NPC1L1: variants seen among roughly 807,000 people sequenced by gnomAD.
NPC1L1 encodes NPC1-like intracellular cholesterol transporter 1.
Under a neutral mutation model 117.0 loss-of-function variants are expected in NPC1L1, and 98 were observed. The ratio of observed to expected loss-of-function variants is 0.84; its 90% CI spans 0.71 to 0.99. NPC1L1 has a LOEUF of 0.99. Among genes scored for constraint, NPC1L1 ranks in the 50% least tolerant of loss-of-function variants. NPC1L1 has a pLI of 0.00. For missense variants in NPC1L1, 1,540 were observed against 1,710.0 expected, an observed-to-expected ratio of 0.90 and a Z score of 1.75; for synonymous variants, 729 against 727.6, an observed-to-expected ratio of 1.00 and a Z score of -0.03.
chr7:44,527,514 G>A (rs1003552377), intron 10 of NPC1L1, among the ~76,000 whole-genome samples: 6 of 139,528 alleles, frequency 4.3e-5, no homozygotes, highest in Non-Finnish European at 9.4e-5. Flanking sequence ...AAAGATGTAT[G>A]AAGAAATAAA....
chr7:44,522,268 C>A (rs746517137), intron 10 of NPC1L1, 26 bp from the exon 11 acceptor site: 2 of 1,602,212 alleles, frequency 1.2e-6, no homozygotes, highest in Admixed American at 3.4e-5. Flanking sequence ...GGTCAGTGAG[C>A]TTTGGTTCGC....
intron 11 of NPC1L1, 88 bp from the exon 12 acceptor site, chr7:44,521,924 C>T: frequency 1.2e-6 from 2 of 1,604,988 alleles, no homozygotes; most frequent in Non-Finnish European, 1.7e-6. Flanking sequence ...GCAGCCCTCC[C>T]CAGGCATACG....
intron 14 of NPC1L1, among the ~76,000 whole-genome samples, chr7:44,518,907 T>C (rs1732066717): frequency 6.6e-6 from 1 of 151,820 alleles, no homozygotes; most frequent in Non-Finnish European, 1.5e-5. Flanking sequence ...AAGTCTTGGG[T>C]GAGGGCTGAG....
chr7:44,515,921 G>T lies in NPC1L1; in HGVS notation c.3678C>A (p.Val1226=), dbSNP rs1490628675. 1 of 1,614,140 alleles carries T rather than the reference G, an allele frequency of 6.2e-7. No individual in the cohort carries two copies. Among genetic ancestry groups the T allele is most frequent in the Non-Finnish European group, 8.5e-7 (1 of 1,180,016 alleles). The change falls in exon 18 of 19, where the codon GTC becomes GTA. Residue 1226 remains valine, a synonymous_variant. Transcript: ENST00000381160. The part of the protein sequence containing the change: ...VAMTNLPGIL[V]LGLAKAQLIQ... ...TGAGCTGGGCCTTGGCGAGGCCCAG[G>T]ACAAGGATGCCAGGCAGGTTGGTCA... is the stretch of plus-strand genomic sequence containing the variant.
rs1197985016 is a variant in NPC1L1, at chr7:44,522,172, A to G, written c.2708T>C (p.Val903Ala). 2 of 1,613,932 alleles carry G rather than the reference A, an allele frequency of 1.2e-6. No homozygotes were observed. ...YFEVGAPVYFVTTLGYNFSSE... is the reference protein window; with the variant it reads ...YFEVGAPVYFATTLGYNFSSE... ...GGAGAAGTTGTAGCCCAAGGTGGTAACAAAGTACACCGGGGCCCCCACCTC... is the reference window on the plus strand; with the variant it reads ...GGAGAAGTTGTAGCCCAAGGTGGTAGCAAAGTACACCGGGGCCCCCACCTC... Residue 903 changes from valine (V) to alanine (A), a missense_variant, in exon 11 of 19, where the codon GTT becomes GCT. Physicochemically the swap from Val to Ala is moderately conservative, Grantham distance 64 (BLOSUM62 0). Transcript: ENST00000381160.
At chr7:44,518,632 G>A in intron 14 of NPC1L1, 2 of 923,082 alleles carry the variant, frequency 2.2e-6, no homozygotes, top group South Asian at 1.5e-5. Context: ...TTGTGCCACT[G>A]TACTCCAGCC....
rs866285543 is a variant in NPC1L1, at chr7:44,538,652, C to A, written c.1580+165G>T. Among the ~76,000 whole-genome samples, 5 of 152,138 alleles carry A rather than the reference C, an allele frequency of 3.3e-5. No homozygotes were observed. The highest frequency in any genetic ancestry group is 5.9e-5 in the Non-Finnish European group (4 of 68,044). ...CTGACCAAAGGAAATGGCGGCCGGA[C>A]GAGGGGCAGAGATAATCATCTGGGC... On this transcript the variant is annotated intron_variant, in intron 2 of 18. Coordinates refer to ENST00000381160, the MANE Select transcript of NPC1L1 (RefSeq NM_001101648.2). The surrounding 1 kb of genome is among the most constrained non-coding windows in gnomAD (Gnocchi z 5.9).
Position 44,534,486 on chromosome 7 carries a change from C to A in NPC1L1, c.2127G>T (p.Val709=), listed in dbSNP as rs1166341467. Residue 709 remains valine, a synonymous_variant, in exon 6 of 19, where the codon GTG becomes GTT. Transcript: ENST00000381160. The surrounding 1 kb of genome is among the most constrained non-coding windows in gnomAD (Gnocchi z 5.2). ...LQVVPFLVLS[V]GADNIFIFVL... The stretch of plus-strand genomic sequence containing the variant: ...CAAAGATGAAGATGTTATCAGCCCC[C>A]ACGGACAGCACCAGGAAAGGAACCA... 4 of 1,614,006 alleles carry A rather than the reference C, an allele frequency of 2.5e-6. No individual in the cohort carries two copies. Among genetic ancestry groups the A allele is most frequent in the Middle Eastern group, 3.3e-4 (2 of 6,084 alleles).
chr7:44,539,183 A>G lies in NPC1L1; in HGVS notation c.1214T>C (p.Phe405Ser). 1.2e-6 allele frequency: 2 copies of G among 1,614,032 alleles called. No individual in the cohort carries two copies. The highest frequency in any genetic ancestry group is 1.7e-6 in the Non-Finnish European group (2 of 1,180,006). The part of the protein sequence containing the change: ...AFHDQHFGPF[F>S]RTNQVILTAP... ...CGTCAGGATCACCTGGTTGGTTCGG[A>G]AGAAGGGGCCGAAATGCTGGTCATG... is the stretch of plus-strand genomic sequence containing the variant. The change falls in exon 2 of 19, where the codon TTC becomes TCC. Residue 405 changes from phenylalanine to serine, a missense_variant. Coordinates refer to ENST00000381160, the MANE Select transcript of NPC1L1 (RefSeq NM_001101648.2). This position sits in a 1 kb window ranked among gnomAD's most constrained non-coding sequence, Gnocchi z 4.4.
At chr7:44,519,624 G>A (rs1295828534) in intron 14 of NPC1L1, among the ~76,000 whole-genome samples, 2 of 151,880 alleles carry the variant, frequency 1.3e-5, no homozygotes, top group Non-Finnish European at 2.9e-5. Context: ...ACCCACCGAC[G>A]ACCCCCATGT....
Position 44,532,063 on chromosome 7 carries a change from G to T in NPC1L1, c.2547+17C>A. 1 of 1,614,178 alleles carries T rather than the reference G, an allele frequency of 6.2e-7. No homozygotes were observed. The highest frequency in any genetic ancestry group is 1.1e-5 in the South Asian group (1 of 91,086). On this transcript the variant is annotated intron_variant, in intron 9 of 18. Coordinates refer to ENST00000381160, the MANE Select transcript of NPC1L1 (RefSeq NM_001101648.2). ...CACCTAGTGCCCCTGCTCTCGTGTGGTTCGAGGCCCACTCACCACAACACC... is the reference window on the plus strand; with the variant it reads ...CACCTAGTGCCCCTGCTCTCGTGTGTTTCGAGGCCCACTCACCACAACACC...
chr7:44,529,842 T>A (rs1352172411), intron 10 of NPC1L1, among the ~76,000 whole-genome samples: 1 of 150,190 alleles, frequency 6.7e-6, no homozygotes, highest in Non-Finnish European at 1.5e-5. Flanking sequence ...GAGACCAGCC[T>A]GGCCAACATG....
At chr7:44,516,026 TCAGG>T in intron 17 of NPC1L1, 54 bp downstream of exon 17, 1 of 1,609,382 alleles carries the variant, frequency 6.2e-7, no homozygotes, top group Non-Finnish European at 8.5e-7. Flanking sequence ...GCACAGGGCA[TCAGG>T]CAGGGCACAG....
At chr7:44,532,263 GC>G in intron 8 of NPC1L1, 46 bp from the exon 9 acceptor site, 1 of 1,611,202 alleles carries the variant, frequency 6.2e-7, no homozygotes, top group Non-Finnish European at 8.5e-7. Flanking sequence ...AGCAGACAAG[GC>G]CCCAGGGACC....
At chr7:44,514,780 T>A (rs1035108017) in intron 18 of NPC1L1, among the ~76,000 whole-genome samples, 4 of 151,728 alleles carry the variant, frequency 2.6e-5, no homozygotes, top group African/African-American at 7.3e-5. Flanking sequence ...GGCGGTTGGA[T>A]CACCTGAGGT....
chr7:44,529,913 A>G (rs1331243211), intron 10 of NPC1L1, among the ~76,000 whole-genome samples: 1 of 151,516 alleles, frequency 6.6e-6, no homozygotes, highest in Non-Finnish European at 1.5e-5. Context: ...ACACGGCTGT[A>G]GTCCCAGCTA....
intron 1 of NPC1L1, 26 bp from the exon 2 acceptor site, chr7:44,540,368 T>A: frequency 6.2e-7 from 1 of 1,604,354 alleles, no homozygotes; most frequent in Non-Finnish European, 8.5e-7. Context: ...ACATCACGCG[T>A]GGGCCCTGAC....
chr7:44,532,288 C>T, intron 8 of NPC1L1, 71 bp from the exon 9 acceptor site: 9 of 1,598,776 alleles, frequency 5.6e-6, no homozygotes, highest in Non-Finnish European at 7.7e-6. Context: ...TTCTTGCCCC[C>T]AGGGAGTGTC....
At chr7:44,527,019 C>T (rs1291660960) in intron 10 of NPC1L1, among the ~76,000 whole-genome samples, 1 of 151,148 alleles carries the variant, frequency 6.6e-6, no homozygotes, top group Non-Finnish European at 1.5e-5. Flanking sequence ...AGTGAAACTC[C>T]ATCTCAAAAT....
Sources: allele counts gnomAD v4.1 joint callset (sites outside exome capture counted in the v4.1 genomes callset), GRCh38; gene constraint gnomAD v4.1.1; non-coding constraint Gnocchi (gnomAD v3.1); transcripts MANE v1.5; gene names NCBI Gene and HGNC (gene_info 2026-07-23, HGNC 2026-07-21).